Variants in CREBBP observed in about 807,000 individuals in gnomAD.
CREBBP encodes the protein CREB-binding protein.
CREBBP carries 19 observed loss-of-function variants against 265.0 expected under a neutral mutation model. That is an observed-to-expected ratio of 0.07 (90% CI 0.05 to 0.11). The LOEUF (loss-of-function observed/expected upper bound fraction) is 0.11, where lower values mean the gene tolerates loss of function less well. Ranked by LOEUF, CREBBP falls within the 10% of genes least tolerant of loss-of-function variation. The pLI, the probability that CREBBP is intolerant of heterozygous loss-of-function variation, is 1.00. For missense variants in CREBBP, 2,525 were observed against 3,219.0 expected (o/e 0.78, Z 5.22); for synonymous variants, 1,457 against 1,223.7 (o/e 1.19, Z -3.98).
intron 28 of CREBBP, among the ~76,000 whole-genome samples, chr16:3,732,662 G>C (rs984551560): frequency 6.6e-6 from 1 of 151,964 alleles, no homozygotes; most frequent in African/African-American, 2.4e-5. Context: ...TCAGCCTCCT[G>C]GGTAGCTGGG....
chr16:3,855,595 G>A (rs2054944575), intron 1 of CREBBP, among the ~76,000 whole-genome samples: 1 of 152,178 alleles, frequency 6.6e-6, no homozygotes, highest in East Asian at 1.9e-4. Flanking sequence ...ATAGAGGCCA[G>A]TTGTTATTGT....
intron 2 of CREBBP, among the ~76,000 whole-genome samples, chr16:3,825,253 G>A (rs1035767242): frequency 3.9e-5 from 6 of 152,166 alleles, no homozygotes; most frequent in Middle Eastern, 3.4e-3. Context: ...TTCATTACTT[G>A]GTAGAAAAAC....
chr16:3,743,930 G>A (rs917952788), intron 23 of CREBBP, among the ~76,000 whole-genome samples: 1 of 152,074 alleles, frequency 6.6e-6, no homozygotes, highest in African/African-American at 2.4e-5. Context: ...ACAAAAATTA[G>A]CTGGGCAAGG....
chr16:3,845,341 G>C (rs1489825844), intron 2 of CREBBP, among the ~76,000 whole-genome samples: 1 of 152,128 alleles, frequency 6.6e-6, no homozygotes, highest in Non-Finnish European at 1.5e-5. Context: ...CACACAGCTA[G>C]GTTAATAGGT....
rs201356785 is a variant in CREBBP, at chr16:3,728,315, C to T, written c.6732G>A (p.Met2244Ile). 163 of 1,612,276 alleles carry T rather than the reference C, an allele frequency of 1.0e-4. No individual in the cohort carries two copies. The highest frequency in any genetic ancestry group is 1.2e-4 in the Non-Finnish European group (146 of 1,179,660). ...GCTGCTGCATGCGCTGCTGCTGCTG[C>T]ATGGCCGGTGGGTAGCCTCCGGGTC... ...PQGPGGYPPAMQQQQRMQQHL... is the reference protein window; with the variant it reads ...PQGPGGYPPAIQQQQRMQQHL... The change falls in exon 31 of 31, where the codon ATG (methionine) becomes ATA (isoleucine). Residue 2244 changes from methionine (M) to isoleucine (I), a missense_variant. Coordinates refer to ENST00000262367, the MANE Select transcript of CREBBP (RefSeq NM_004380.3). This position sits in a 1 kb window ranked among gnomAD's most constrained non-coding sequence, Gnocchi z 8.7.
intron 2 of CREBBP, 43 bp downstream of exon 2, chr16:3,850,254 C>G (rs371836684): frequency 1.2e-6 from 2 of 1,606,336 alleles, no homozygotes; most frequent in East Asian, 2.2e-5. Flanking sequence ...AGGGAAAGCC[C>G]GCGGTTAGGT....
chr16:3,807,596 G>C (rs943949087), intron 3 of CREBBP, among the ~76,000 whole-genome samples: 2 of 152,134 alleles, frequency 1.3e-5, no homozygotes, highest in Non-Finnish European at 2.9e-5. Flanking sequence ...GGCAGGCTCA[G>C]GGCTGCAAAA....
chr16:3,761,031 T>C (rs1439145136), intron 16 of CREBBP, among the ~76,000 whole-genome samples: 1 of 152,024 alleles, frequency 6.6e-6, no homozygotes, highest in Non-Finnish European at 1.5e-5. Flanking sequence ...CTTGGCTCAC[T>C]GCAATCTCCG....
At chr16:3,810,069 G>C (rs568559840) in intron 3 of CREBBP, among the ~76,000 whole-genome samples, 1 of 152,310 alleles carries the variant, frequency 6.6e-6, no homozygotes, top group East Asian at 1.9e-4. Context: ...ATCAGGTTGA[G>C]AAGTGATAAG....
intron 23 of CREBBP, chr16:3,740,831 T>C: frequency 2.2e-6 from 1 of 460,226 alleles, no homozygotes; most frequent in Non-Finnish European, 4.0e-6. Context: ...TAGCGGTGGG[T>C]CCAAAATTGA....
rs772690401 is a variant in CREBBP, at chr16:3,727,755, G to A, written c.7292C>T (p.Thr2431Met). 2 of 1,614,122 alleles carry A rather than the reference G, an allele frequency of 1.2e-6. No individual in the cohort carries two copies. The highest frequency in any genetic ancestry group is 1.3e-5 in the African/African-American group (1 of 75,038). ...CACAAACTTCTCTAGCGTGTCCCCC[G>A]TGGTGTCCCCGACCAGGGACAGTTC... ...SSELSLVGDT[T>M]GDTLEKFVEG... The change falls in exon 31 of 31, where the codon ACG becomes ATG. Residue 2431 changes from threonine to methionine, a missense_variant. This residue lies in a region of CREBBP where 473 missense variants were observed against 459.3 expected (regional missense o/e 1.03). Coordinates refer to ENST00000262367, the MANE Select transcript of CREBBP (RefSeq NM_004380.3).
chr16:3,806,402 T>C (rs2053830768), intron 3 of CREBBP, among the ~76,000 whole-genome samples: 1 of 151,566 alleles, frequency 6.6e-6, no homozygotes, highest in African/African-American at 2.4e-5. Flanking sequence ...GCACTACTGA[T>C]GAATCTCCTG....
intron 1 of CREBBP, among the ~76,000 whole-genome samples, chr16:3,878,996 C>A (rs763803249): frequency 2.0e-5 from 3 of 148,594 alleles, no homozygotes; most frequent in Non-Finnish European, 3.0e-5. Context: ...GTATCCTGCT[C>A]CATTTTTTTG....
intron 1 of CREBBP, among the ~76,000 whole-genome samples, chr16:3,876,742 G>A (rs2055411584): frequency 6.6e-6 from 1 of 152,154 alleles, no homozygotes; most frequent in Admixed American, 6.5e-5. Context: ...TCAGTGGGGT[G>A]AAAGGTACCG....
intron 1 of CREBBP, among the ~76,000 whole-genome samples, chr16:3,872,732 A>C (rs1321633375): frequency 1.3e-5 from 2 of 152,378 alleles, no homozygotes; most frequent in East Asian, 3.9e-4. Flanking sequence ...GATGTGAGCA[A>C]GCCATGGGCC....
intron 2 of CREBBP, among the ~76,000 whole-genome samples, chr16:3,849,435 GTGTGTGT>G (rs1567360326): frequency 0.016 from 252 of 15,696 alleles, 9 homozygotes; most frequent in Middle Eastern, 0.062. Context: ...GTGTGTGTGT[GTGTGTGT>G]GTGTGTGTGT....
At chr16:3,870,104 G>A (rs531852988) in intron 1 of CREBBP, among the ~76,000 whole-genome samples, 4 of 151,896 alleles carry the variant, frequency 2.6e-5, no homozygotes, top group Admixed American at 6.6e-5. Flanking sequence ...TCCACAAATC[G>A]GGGAAAAATT....
chr16:3,728,892 C>T lies in CREBBP; in HGVS notation c.6155G>A (p.Arg2052Gln), dbSNP rs748936007. The T allele has an allele frequency of 1.5e-5, 24 of 1,609,054 alleles. No individual in the cohort carries two copies. The highest frequency in any genetic ancestry group is 1.7e-4 in the Middle Eastern group (1 of 6,026). Residue 2052 changes from arginine to glutamine, a missense_variant, in exon 31 of 31, where the codon CGG becomes CAG. Transcript: ENST00000262367. The surrounding 1 kb of genome is among the most constrained non-coding windows in gnomAD (Gnocchi z 8.7). ...MQAQAAVAGP[R>Q]MPSVQPPRSI... ...CCTGGGTGGCTGCACGCTGGGCATC[C>T]GGGGCCCAGCCACGGCCGCCTGGGC...
At chr16:3,864,301 G>A (rs567810761) in intron 1 of CREBBP, among the ~76,000 whole-genome samples, 2 of 152,306 alleles carry the variant, frequency 1.3e-5, no homozygotes, top group South Asian at 2.1e-4. Context: ...GCGTGGAGGC[G>A]TGTGGGCTAT....
Sources: gnomAD v4.1 joint callset for allele counts (sites outside exome capture counted in the v4.1 genomes callset) on GRCh38, gnomAD v4.1.1 for gene constraint, gnomAD v4.1.1 regional missense constraint, Gnocchi (gnomAD v3.1) non-coding constraint, MANE v1.5 for transcripts, NCBI Gene and HGNC (gene_info 2026-07-23, HGNC 2026-07-21) for gene names.